The following FRAS1 variants were observed in gnomAD, a reference collection of about 807,000 sequenced individuals.
The protein encoded by FRAS1 is Fraser extracellular matrix complex subunit 1.
FRAS1 carries 290 observed loss-of-function variants against 435.2 expected under a neutral mutation model. The observed-to-expected ratio is 0.67, with a 90% confidence interval of 0.61 to 0.73. The LOEUF is 0.73. FRAS1 is among the 30% of genes least tolerant of loss of function. FRAS1 has a pLI of 0.00. For missense variants in FRAS1, 4,860 were observed against 5,001.5 expected (o/e 0.97, Z 0.85); for synonymous variants, 1,800 against 1,851.0 (o/e 0.97, Z 0.71).
chr4:78,457,487 G>A (rs985137901), intron 47 of FRAS1, among the ~76,000 whole-genome samples: 6 of 152,096 alleles, frequency 3.9e-5, no homozygotes, highest in Admixed American at 1.3e-4. Context: ...CCACCCTTCT[G>A]GGAATGTGGA....
intron 2 of FRAS1, among the ~76,000 whole-genome samples, chr4:78,086,887 A>T (rs569006416): frequency 3.9e-5 from 6 of 152,186 alleles, no homozygotes; most frequent in Non-Finnish European, 7.4e-5. Flanking sequence ...TATTCCAATC[A>T]ATAGAAAAAG....
chr4:78,119,414 A>C (rs1360468880), intron 2 of FRAS1, among the ~76,000 whole-genome samples: 1 of 152,094 alleles, frequency 6.6e-6, no homozygotes, highest in Non-Finnish European at 1.5e-5. Context: ...TTCCCCCTAC[A>C]TATGAGTGAG....
chr4:78,238,740 C>T (rs868666137), intron 3 of FRAS1, among the ~76,000 whole-genome samples: 1 of 152,084 alleles, frequency 6.6e-6, no homozygotes, highest in African/African-American at 2.4e-5. Context: ...GTGGCAAAAA[C>T]GCCATGAAAA....
chr4:78,421,793 C>T (rs1205433671), intron 33 of FRAS1, 70 bp from the exon 34 acceptor site: 2 of 1,551,092 alleles, frequency 1.3e-6, no homozygotes, highest in East Asian at 2.3e-5. Flanking sequence ...AGAGCAGGCT[C>T]TATGGCTCTA....
At chr4:78,508,693 T>C (rs764489253) in intron 62 of FRAS1, 38 bp from the exon 63 acceptor site, 4 of 1,611,792 alleles carry the variant, frequency 2.5e-6, no homozygotes, top group Non-Finnish European at 3.4e-6. Context: ...ACCTTGCCAA[T>C]ACCCAACCTG....
At chr4:78,245,914 C>T (rs763364888) in intron 4 of FRAS1, among the ~76,000 whole-genome samples, 1 of 152,128 alleles carries the variant, frequency 6.6e-6, no homozygotes, top group Non-Finnish European at 1.5e-5. Context: ...CCACTAGATG[C>T]TAGTAGCATC....
Position 78,508,815 on chromosome 4 carries a change from G to A in FRAS1, c.9589G>A (p.Val3197Ile), listed in dbSNP as rs780112704. The A allele has an allele frequency of 1.9e-5, 30 of 1,613,592 alleles. 1 individual carries two copies. The Admixed American group carries it at 5.0e-4, about 27-fold the overall frequency. ...ATCCCCCTCCCCAGGCTACCCACTG[G>A]TCTGTGTCACCCCCTGCGACCCTCA... ...KKSPSPGYPL[V>I]CVTPCDPHFP... The change falls in exon 63 of 74, where the codon GTC (valine) becomes ATC (isoleucine). Residue 3197 changes from valine to isoleucine, a missense_variant. Physicochemically the swap from Val to Ile is conservative, Grantham distance 29. Coordinates refer to ENST00000512123, the MANE Select transcript of FRAS1 (RefSeq NM_025074.7).
At chr4:78,088,477 C>T (rs576376312) in intron 2 of FRAS1, among the ~76,000 whole-genome samples, 1 of 152,008 alleles carries the variant, frequency 6.6e-6, no homozygotes, top group East Asian at 1.9e-4. Context: ...AAACTACCAT[C>T]AGAGTGAACA....
chr4:78,299,870 C>G (rs146958865), intron 14 of FRAS1, among the ~76,000 whole-genome samples: 7 of 152,366 alleles, frequency 4.6e-5, no homozygotes, highest in African/African-American at 1.4e-4. Context: ...ACCTAGGCAA[C>G]AGAGTGTTCT....
chr4:78,529,297 A>T (rs997580579), intron 70 of FRAS1, among the ~76,000 whole-genome samples: 1 of 152,126 alleles, frequency 6.6e-6, no homozygotes, highest in African/African-American at 2.4e-5. Context: ...ATCTGATGGG[A>T]TATGCTGGGG....
chr4:78,515,733 C>A, intron 65 of FRAS1, 66 bp from the exon 66 acceptor site: 1 of 1,459,370 alleles, frequency 6.9e-7, no homozygotes, highest in Non-Finnish European at 9.6e-7. Flanking sequence ...GTGAGCTCTT[C>A]ACCCCACCCT....
At chr4:78,249,618 C>T (rs1394987225) in intron 4 of FRAS1, among the ~76,000 whole-genome samples, 1 of 152,038 alleles carries the variant, frequency 6.6e-6, no homozygotes, top group African/African-American at 2.4e-5. Flanking sequence ...CCACCGTTGT[C>T]CAGCCTGAAT....
In FRAS1 at chr4:78,407,834, G is replaced by A. The variant is rs749321722; in HGVS notation, c.4301G>A (p.Arg1434His). 3.4e-5 allele frequency: 55 copies of A among 1,597,220 alleles called. No homozygotes were observed. The highest frequency in any genetic ancestry group is 1.7e-4 in the Middle Eastern group (1 of 6,010). The change falls in exon 31 of 74, where the codon CGC becomes CAC. Residue 1434 changes from arginine (R) to histidine (H), a missense_variant. By Grantham distance (29) the Arg-to-His change is conservative. Coordinates refer to ENST00000512123, the MANE Select transcript of FRAS1 (RefSeq NM_025074.7). ...GCCCCAGCCCAGAGCGACTCCTTCC[G>A]CTTCGAGGTACCCTCTGCTTCCTGA... ...SGAPAQSDSF[R>H]FEVSSASNAQ...
At chr4:78,464,412 G>T in intron 48 of FRAS1, 31 bp from the exon 49 acceptor site, 30 of 1,613,608 alleles carry the variant, frequency 1.9e-5, no homozygotes, top group Non-Finnish European at 2.5e-5. Context: ...CTAGGGACAG[G>T]TGTCCCACCT....
At chr4:78,223,707 A>T (rs1724148469) in intron 2 of FRAS1, among the ~76,000 whole-genome samples, 1 of 152,160 alleles carries the variant, frequency 6.6e-6, no homozygotes. Context: ...CCTCCTCAAC[A>T]TAGCACTTCA....
chr4:78,181,860 A>G (rs541760678), intron 2 of FRAS1: 1 of 1,611,974 alleles, frequency 6.2e-7, no homozygotes, highest in East Asian at 2.2e-5. Context: ...GCCGCGTTGG[A>G]GTTGGTCTGG....
chr4:78,288,789 C>A (rs1727741097), intron 14 of FRAS1, among the ~76,000 whole-genome samples: 1 of 152,010 alleles, frequency 6.6e-6, no homozygotes, highest in South Asian at 2.1e-4. Flanking sequence ...GATTATCTTT[C>A]CAGATAAGCT....
Position 78,255,276 on chromosome 4 carries a change from T to C in FRAS1, c.504T>C (p.Asp168=), listed in dbSNP as rs1469149573. Residue 168 remains aspartate, a synonymous_variant, in exon 6 of 74, where the codon GAT becomes GAC. Transcript: ENST00000512123. The part of the protein sequence containing the change: ...PCSYEGHVFQ[D]GEDWRLSRCA... ...CCTATGAAGGCCATGTGTTTCAGGA[T>C]GGGGAGGACTGGCGGCTGAGCCGGT... 1 of 1,554,384 alleles carries C rather than the reference T, an allele frequency of 6.4e-7. No homozygotes were observed. The highest frequency in any genetic ancestry group is 1.2e-5 in the South Asian group (1 of 84,218).
chr4:78,126,735 C>T (rs1040281164), intron 2 of FRAS1, among the ~76,000 whole-genome samples: 4 of 152,264 alleles, frequency 2.6e-5, no homozygotes, highest in East Asian at 3.9e-4. Flanking sequence ...TTTTTAATCA[C>T]ATCACGTGTC....
Sources: gnomAD v4.1 joint callset for allele counts (sites outside exome capture counted in the v4.1 genomes callset) on GRCh38, gnomAD v4.1.1 for gene constraint, MANE v1.5 for transcripts, NCBI Gene and HGNC (gene_info 2026-07-23, HGNC 2026-07-21) for gene names.